SCML2: variants seen among roughly 807,000 people sequenced by gnomAD.
The protein encoded by SCML2 is Scm polycomb group protein like 2, also known as sex comb on midleg-like protein 2.
SCML2 carries 6 observed loss-of-function variants against 48.4 expected under a neutral mutation model. That is an observed-to-expected ratio of 0.12 (90% CI 0.07 to 0.24). The LOEUF is 0.24. Ranked by LOEUF, SCML2 falls within the 10% of genes least tolerant of loss-of-function variation. The pLI, the probability that SCML2 is intolerant of heterozygous loss-of-function variation, is 1.00. For missense variants in SCML2, 377 were observed against 528.2 expected (o/e 0.71, Z 2.81); for synonymous variants, 181 against 189.5 (o/e 0.95, Z 0.37).
At chrX:18,276,511 G>GACAT (rs1927648076) in intron 7 of SCML2, among the ~76,000 whole-genome samples, 1 of 110,620 alleles carries the variant, frequency 9.0e-6, no homozygotes, top group Non-Finnish European at 1.9e-5. Flanking sequence ...TACATACATT[G>GACAT]ACATACATAC....
intron 1 of SCML2, among the ~76,000 whole-genome samples, chrX:18,346,282 T>C (rs753294771): frequency 7.2e-5 from 8 of 110,849 alleles, no homozygotes; most frequent in African/African-American, 2.6e-4. Context: ...AGGATGTTCA[T>C]GGTCTCAAAA....
intron 7 of SCML2, among the ~76,000 whole-genome samples, chrX:18,270,428 G>T (rs1199736496): frequency 1.8e-5 from 2 of 110,963 alleles, no homozygotes; most frequent in Non-Finnish European, 3.8e-5. Context: ...TTGAGACAAG[G>T]TTTCACTCTG....
chrX:18,349,399 A>G (rs1022059290), intron 1 of SCML2, among the ~76,000 whole-genome samples: 1 of 112,660 alleles, frequency 8.9e-6, no homozygotes, highest in African/African-American at 3.2e-5. Flanking sequence ...AGGTCAAATG[A>G]TCATGATATT....
intron 6 of SCML2, among the ~76,000 whole-genome samples, chrX:18,313,285 G>A (rs1460205790): frequency 9.0e-6 from 1 of 110,705 alleles, no homozygotes; most frequent in African/African-American, 3.3e-5. Flanking sequence ...ACCCGGGGGA[G>A]GTAATTGAAT....
chrX:18,329,570 A>G (rs751973361), intron 3 of SCML2, among the ~76,000 whole-genome samples: 1 of 112,674 alleles, frequency 8.9e-6, no homozygotes, highest in East Asian at 2.8e-4. Context: ...TTTAAGAGCA[A>G]GCCAATGCAT....
chrX:18,338,163 G>A (rs1485731586), intron 1 of SCML2, among the ~76,000 whole-genome samples: 1 of 111,763 alleles, frequency 8.9e-6, no homozygotes, highest in African/African-American at 3.3e-5. Flanking sequence ...AGATGAAAGG[G>A]CCAGGCACGG....
At chrX:18,280,988 T>C (rs1273379310) in intron 7 of SCML2, among the ~76,000 whole-genome samples, 2 of 112,726 alleles carry the variant, frequency 1.8e-5, no homozygotes, top group African/African-American at 6.5e-5. Context: ...AACTCAACAC[T>C]TGACCAACTG....
chrX:18,290,301 GT>G (rs1928190285), intron 7 of SCML2, among the ~76,000 whole-genome samples: 1 of 111,770 alleles, frequency 8.9e-6, no homozygotes, highest in Non-Finnish European at 1.9e-5. Context: ...AGTTAAGATG[GT>G]CACTGGCAGC....
chrX:18,306,014 CAA>C (rs887708666), intron 6 of SCML2, among the ~76,000 whole-genome samples: 8 of 111,223 alleles, frequency 7.2e-5, no homozygotes, highest in African/African-American at 2.6e-4. Context: ...TCACCTAAGC[CAA>C]AAGACTGGAA....
chrX:18,354,330 A>G (rs1930470430), intron 1 of SCML2, among the ~76,000 whole-genome samples: 1 of 112,345 alleles, frequency 8.9e-6, no homozygotes, highest in Non-Finnish European at 1.9e-5. Flanking sequence ...CCGGGCGCCC[A>G]AACCCCGCGG....
intron 6 of SCML2, among the ~76,000 whole-genome samples, chrX:18,318,687 G>C (rs1164722185): frequency 8.9e-6 from 1 of 112,116 alleles, no homozygotes; most frequent in Non-Finnish European, 1.9e-5. Context: ...GACTAACACA[G>C]TAAAGTGAGG....
chrX:18,252,190 C>T (rs909903335), intron 11 of SCML2, among the ~76,000 whole-genome samples: 1 of 112,552 alleles, frequency 8.9e-6, no homozygotes, highest in East Asian at 2.8e-4. Flanking sequence ...AGGAGAATAG[C>T]TTGAACCCAG....
intron 1 of SCML2, among the ~76,000 whole-genome samples, chrX:18,343,936 AAAAAAAG>A (rs2147567334): frequency 9.4e-6 from 1 of 106,494 alleles, no homozygotes; most frequent in African/African-American, 3.4e-5. Flanking sequence ...AAAAAAAAAA[AAAAAAAG>A]AAAGAAAGAA....
intron 6 of SCML2, among the ~76,000 whole-genome samples, chrX:18,306,103 C>T (rs1273982109): frequency 9.0e-6 from 1 of 111,570 alleles, no homozygotes; most frequent in African/African-American, 3.3e-5. Flanking sequence ...TAGTCCTGGA[C>T]TGGTGATTTT....
chrX:18,324,854 C>T, intron 4 of SCML2, 53 bp downstream of exon 4: 1 of 918,338 alleles, frequency 1.1e-6, no homozygotes. Context: ...CACAGACGTC[C>T]TCCAACAAGT....
intron 9 of SCML2, among the ~76,000 whole-genome samples, chrX:18,258,506 A>G (rs763636058): frequency 1.8e-5 from 2 of 112,010 alleles, no homozygotes; most frequent in African/African-American, 3.2e-5. Flanking sequence ...CTGATGATAT[A>G]AAATCTACAG....
At position 18,242,599 on chromosome X, in the gene SCML2, G is replaced by C; in HGVS notation, c.1823-9C>G. 8.3e-7 allele frequency: 1 copy of C among 1,199,734 alleles called. No individual in the cohort carries two copies. Among genetic ancestry groups the C allele is most frequent in the Non-Finnish European group, 1.1e-6 (1 of 891,095 alleles). ...AGCTATATAACTTGGAGCTTCAATG[G>C]GGGGGAAAAAAGACAAATCATACTT... On this transcript the variant is annotated splice_polypyrimidine_tract_variant and intron_variant, in intron 13 of 14. Transcript: ENST00000251900.
intron 7 of SCML2, among the ~76,000 whole-genome samples, chrX:18,290,598 A>G (rs183658092): frequency 1.8e-5 from 2 of 111,849 alleles, no homozygotes; most frequent in East Asian, 5.6e-4. Flanking sequence ...TGAACATCCC[A>G]TAATAATGAA....
intron 7 of SCML2, among the ~76,000 whole-genome samples, chrX:18,269,957 A>G (rs1927392553): frequency 9.1e-6 from 1 of 110,378 alleles, no homozygotes; most frequent in Non-Finnish European, 1.9e-5. Context: ...TTTGTTCTAT[A>G]TTATAATAAA....
Sources: allele counts gnomAD v4.1 joint callset (sites outside exome capture counted in the v4.1 genomes callset), GRCh38; gene constraint gnomAD v4.1.1; transcripts MANE v1.5; gene names NCBI Gene and HGNC (gene_info 2026-07-23, HGNC 2026-07-21).